Variants in EDARADD observed in about 807,000 individuals in gnomAD.
EDARADD encodes the protein EDAR associated via death domain.
Under a neutral mutation model 25.6 loss-of-function variants are expected in EDARADD, and 20 were observed. The observed-to-expected ratio is 0.78, with a 90% confidence interval of 0.55 to 1.14. EDARADD has a LOEUF of 1.14. Among genes scored for constraint, EDARADD ranks in the 50% most tolerant of loss-of-function variants. The pLI is 0.00. For synonymous variants in EDARADD, 86 were observed against 94.4 expected, an observed-to-expected ratio of 0.91 and a Z score of 0.52; for missense variants, 225 against 270.1, an observed-to-expected ratio of 0.83 and a Z score of 1.17.
intron 4 of EDARADD, among the ~76,000 whole-genome samples, chr1:236,441,069 G>A (rs562617616): frequency 1.3e-5 from 2 of 151,966 alleles, no homozygotes; most frequent in South Asian, 4.1e-4. Flanking sequence ...AGTTATGAAT[G>A]CAAAAGAGAA....
intron 3 of EDARADD, among the ~76,000 whole-genome samples, chr1:236,361,443 C>T (rs1478461803): frequency 6.6e-6 from 1 of 151,176 alleles, no homozygotes; most frequent in African/African-American, 2.4e-5. Flanking sequence ...GCCTCTCCTT[C>T]CTCAGCCTCC....
At chr1:236,405,404 T>G (rs1012792745) in intron 1 of EDARADD, among the ~76,000 whole-genome samples, 7 of 152,118 alleles carry the variant, frequency 4.6e-5, no homozygotes, top group African/African-American at 1.4e-4. Context: ...TTGATTGAAA[T>G]TCACCCACCC....
intron 3 of EDARADD, among the ~76,000 whole-genome samples, chr1:236,376,184 C>T (rs1302414139): frequency 6.6e-6 from 1 of 152,196 alleles, no homozygotes; most frequent in East Asian, 1.9e-4. Flanking sequence ...ATCCAGCTGC[C>T]TTGTCCTCCC....
At chr1:236,474,684 G>T (rs1270438274) in intron 5 of EDARADD, among the ~76,000 whole-genome samples, 1 of 152,162 alleles carries the variant, frequency 6.6e-6, no homozygotes, top group African/African-American at 2.4e-5. Flanking sequence ...TAGGTATTAA[G>T]ATTCATTAAA....
chr1:236,482,947 T>G lies in EDARADD; in HGVS notation c.*298T>G. The G allele has an allele frequency of 1.7e-6, 1 of 605,592 alleles. No homozygotes were observed. Among genetic ancestry groups the G allele is most frequent in the Non-Finnish European group, 2.9e-6 (1 of 345,672 alleles). 37.5% of individuals were successfully genotyped at this position (605,592 alleles called of 1,614,324 possible). Reference sequence around the variant, plus strand: ...GAATGGATTCATGCCACGTTGAAGATAAAATTATCCTCTCTCTGAAATACG... The same window carrying G: ...GAATGGATTCATGCCACGTTGAAGAGAAAATTATCCTCTCTCTGAAATACG... On this transcript the variant is annotated 3_prime_UTR_variant, in exon 6 of 6. Transcript: ENST00000334232.
chr1:236,443,063 C>A (rs1293580159), intron 4 of EDARADD, among the ~76,000 whole-genome samples: 1 of 152,154 alleles, frequency 6.6e-6, no homozygotes, highest in African/African-American at 2.4e-5. Flanking sequence ...GAAGAAGTTA[C>A]CATATTAGCA....
chr1:236,422,793 C>G (rs867189565), intron 3 of EDARADD, among the ~76,000 whole-genome samples: 2 of 152,188 alleles, frequency 1.3e-5, no homozygotes, highest in Non-Finnish European at 2.9e-5. Flanking sequence ...GCAGATGGAA[C>G]ATGCCAGAGT....
chr1:236,451,699 A>C (rs905311907), intron 4 of EDARADD, among the ~76,000 whole-genome samples: 4 of 152,310 alleles, frequency 2.6e-5, no homozygotes, highest in African/African-American at 9.6e-5. Flanking sequence ...CTGAGATTAC[A>C]GGCGTGAGCC....
At chr1:236,391,430 T>C (rs558579458), upstream of EDARADD, among the ~76,000 whole-genome samples, 9 of 152,316 alleles carry the variant, frequency 5.9e-5, no homozygotes, top group African/African-American at 1.7e-4. Context: ...TGTTGGGGCA[T>C]CTTCCATCAC....
chr1:236,371,753 A>G (rs623940), intron 3 of EDARADD, among the ~76,000 whole-genome samples: 44,584 of 150,994 alleles, frequency 0.3, 6,910 homozygotes, highest in African/African-American at 0.39. Flanking sequence ...TGTATTTTTA[A>G]TAGAGACGGG....
At chr1:236,464,167 C>T (rs144226861) in intron 4 of EDARADD, among the ~76,000 whole-genome samples, 18 of 152,246 alleles carry the variant, frequency 1.2e-4, no homozygotes, top group South Asian at 2.1e-4. Flanking sequence ...CCGGCTAGAA[C>T]GGCTTTCAAA....
chr1:236,423,520 C>T (rs1012113573), intron 3 of EDARADD, among the ~76,000 whole-genome samples: 7 of 152,138 alleles, frequency 4.6e-5, no homozygotes, highest in African/African-American at 1.4e-4. Context: ...TGTCATCACA[C>T]TCATGAGACT....
intron 3 of EDARADD, among the ~76,000 whole-genome samples, chr1:236,372,061 A>G (rs1360873275): frequency 6.6e-6 from 1 of 151,850 alleles, no homozygotes; most frequent in East Asian, 1.9e-4. Flanking sequence ...GGTTCAAGCA[A>G]TTCTATTGTC....
At chr1:236,415,884 G>T (rs1402288993) in intron 3 of EDARADD, among the ~76,000 whole-genome samples, 1 of 152,154 alleles carries the variant, frequency 6.6e-6, no homozygotes, top group Non-Finnish European at 1.5e-5. Flanking sequence ...TTTCAGAGAT[G>T]GCAGGGGCAC....
intron 3 of EDARADD, among the ~76,000 whole-genome samples, chr1:236,423,264 C>T (rs1483483061): frequency 1.3e-5 from 2 of 151,904 alleles, no homozygotes; most frequent in Admixed American, 6.6e-5. Flanking sequence ...TAAAAATATA[C>T]TAGACTTGTA....
chr1:236,393,766 A>G (rs923189391), upstream of EDARADD, among the ~76,000 whole-genome samples: 1 of 152,204 alleles, frequency 6.6e-6, no homozygotes, highest in Non-Finnish European at 1.5e-5. Flanking sequence ...GTTGAAGGAC[A>G]TTGTGACAGC....
chr1:236,402,325 T>C (rs61833988), intron 1 of EDARADD, among the ~76,000 whole-genome samples: 107,752 of 151,922 alleles, frequency 0.71, 38,652 homozygotes, highest in Non-Finnish European at 0.75. Flanking sequence ...AATCCCAGCA[T>C]TTTGGGAAGC....
At chr1:236,383,565 A>G (rs531633380) in intron 3 of EDARADD, among the ~76,000 whole-genome samples, 40 of 152,290 alleles carry the variant, frequency 2.6e-4, no homozygotes, top group Admixed American at 1.2e-3. Flanking sequence ...GCAGAAGGGA[A>G]AATCTTGTTC....
Position 236,427,451 on chromosome 1 carries a change from G to T in EDARADD, c.219+1G>T. The T allele has an allele frequency of 6.2e-7, 1 of 1,611,588 alleles. No homozygotes were observed. ...ACGAAATTCAGATATGAAAAATCAG[G>T]TAAGAATAATTTCAACTATATTTTA... On this transcript the variant is annotated splice_donor_variant, in intron 4 of 5. Transcript: ENST00000334232. LOFTEE classifies it high-confidence loss of function.
Sources: allele counts gnomAD v4.1 joint callset (sites outside exome capture counted in the v4.1 genomes callset), GRCh38; gene constraint gnomAD v4.1.1; transcripts MANE v1.5; gene names NCBI Gene and HGNC (gene_info 2026-07-23, HGNC 2026-07-21).